Variants in LAYN observed in about 807,000 individuals in gnomAD.
LAYN encodes layilin.
A neutral mutation model predicts 43.6 loss-of-function variants in LAYN; 38 were observed. The observed-to-expected ratio is 0.87, with a 90% CI of 0.67 to 1.14. The LOEUF is 1.14. Among genes scored for constraint, LAYN ranks in the 50% most tolerant of loss-of-function variants. The pLI, the probability that LAYN is intolerant of heterozygous loss-of-function variation, is 0.00. For synonymous variants in LAYN, 168 were observed against 172.9 expected (o/e 0.97, Z 0.22); for missense variants, 479 against 463.8 (o/e 1.03, Z -0.30).
chr11:111,560,577 A>G lies in LAYN; in HGVS notation c.*119A>G, dbSNP rs1867938559. The G allele has an allele frequency of 8.6e-7, 1 of 1,166,186 alleles. No homozygotes were observed. The highest frequency in any genetic ancestry group is 1.6e-5 in the South Asian group (1 of 60,668). The allele number at this position is 1,166,186 out of a possible 1,614,324, so 72.2% of individuals were successfully genotyped here. ...AACAAGCTTAGATCAGGTCCTGTGG[A>G]TGAGCATGTGGTCCCCACGACCTCC... On this transcript the variant is annotated 3_prime_UTR_variant, in exon 7 of 7. Coordinates refer to ENST00000375614, the MANE Select transcript of LAYN (RefSeq NM_178834.5).
chr11:111,556,401 A>G (rs1343546555), intron 5 of LAYN, among the ~76,000 whole-genome samples: 1 of 152,186 alleles, frequency 6.6e-6, no homozygotes, highest in Non-Finnish European at 1.5e-5. Flanking sequence ...TCAGGCTGCT[A>G]TCACTAGGCT....
At chr11:111,543,725 A>G (rs1591563615) in intron 1 of LAYN, among the ~76,000 whole-genome samples, 198 bp from the exon 2 acceptor site, 1 of 152,378 alleles carries the variant, frequency 6.6e-6, no homozygotes, top group Non-Finnish European at 1.5e-5. Flanking sequence ...CAATATAGGC[A>G]TCAGAGTTTA....
chr11:111,542,420 T>C (rs1002537046), intron 1 of LAYN, among the ~76,000 whole-genome samples: 2 of 152,228 alleles, frequency 1.3e-5, no homozygotes, highest in African/African-American at 4.8e-5. Context: ...ATGAAAGTGA[T>C]GAGAGAAGAA....
At chr11:111,556,843 C>T (rs1481010977) in intron 5 of LAYN, among the ~76,000 whole-genome samples, 1 of 152,106 alleles carries the variant, frequency 6.6e-6, no homozygotes, top group Non-Finnish European at 1.5e-5. Context: ...CCCAAAGCCA[C>T]TTGAGGGGAA....
At chr11:111,548,420 G>A (rs1198092472) in intron 2 of LAYN, among the ~76,000 whole-genome samples, 1 of 152,142 alleles carries the variant, frequency 6.6e-6, no homozygotes, top group Admixed American at 6.5e-5. Context: ...ACAAAATAAT[G>A]TAAAGCCATA....
chr11:111,555,066 C>G (rs906644787), intron 4 of LAYN, 141 bp from the exon 5 acceptor site: 3 of 627,226 alleles, frequency 4.8e-6, no homozygotes, highest in Non-Finnish European at 2.9e-6. Context: ...CAAATTCAAC[C>G]CTTTACTTTT....
chr11:111,561,567 A>G lies in LAYN; in HGVS notation c.*1109A>G, dbSNP rs944167282. 6.6e-6 allele frequency: 1 copy of G among 152,210 alleles called. No individual in the cohort carries two copies. The highest frequency in any genetic ancestry group is 6.5e-5 in the Admixed American group (1 of 15,280). The allele number at this position is 152,210 out of a possible 1,614,324, so 9.4% of individuals were successfully genotyped here. A position where few individuals can be genotyped will look rare whatever the true frequency, so the allele number is the denominator to read the frequency against. The stretch of plus-strand genomic sequence containing the variant: ...TTGTGTTTGGCCTCAAATTCAGAGA[A>G]AAGTTTCTCAGCCCAGCATCAATCA... On this transcript the variant is annotated 3_prime_UTR_variant, in exon 7 of 7. Transcript: ENST00000375614.
intron 2 of LAYN, among the ~76,000 whole-genome samples, chr11:111,546,300 T>G (rs1005581035): frequency 6.6e-6 from 1 of 152,228 alleles, no homozygotes; most frequent in Admixed American, 6.5e-5. Context: ...CCATTTAGAC[T>G]CTTGATCAGC....
intron 2 of LAYN, among the ~76,000 whole-genome samples, chr11:111,547,854 G>T (rs1867674570): frequency 6.6e-6 from 1 of 152,192 alleles, no homozygotes; most frequent in Non-Finnish European, 1.5e-5. Context: ...TGGCAGGGGT[G>T]GGGAGGAGTG....
chr11:111,559,643 G>A (rs1867915900), intron 6 of LAYN, among the ~76,000 whole-genome samples: 2 of 151,768 alleles, frequency 1.3e-5, no homozygotes, highest in Non-Finnish European at 2.9e-5. Context: ...ATCTTTTATA[G>A]GGACGGGGTT....
In LAYN at chr11:111,549,660, C is replaced by T. The variant is rs200702549; in HGVS notation, c.426C>T (p.Cys142=). The T allele has an allele frequency of 6.3e-6, 10 of 1,594,304 alleles. No individual in the cohort carries two copies. Among genetic ancestry groups the T allele is most frequent in the African/African-American group, 5.4e-5 (4 of 73,748 alleles). The change falls in exon 3 of 7, where the codon TGC becomes TGT. Residue 142 remains cysteine (C), a synonymous_variant. Coordinates refer to ENST00000375614, the MANE Select transcript of LAYN (RefSeq NM_178834.5). ...AGCCATCCTGCGGCAGCGAGGTCTG[C>T]GTGGTCATGTACCATCAGCCATCGG... ...VDEPSCGSEV[C]VVMYHQPSAP...
At chr11:111,548,444 G>A (rs1296345911) in intron 2 of LAYN, among the ~76,000 whole-genome samples, 1 of 152,200 alleles carries the variant, frequency 6.6e-6, no homozygotes, top group Non-Finnish European at 1.5e-5. Context: ...CCAGTGGGGA[G>A]GGGAACAAGG....
At chr11:111,547,191 T>G (rs1867663620) in intron 2 of LAYN, among the ~76,000 whole-genome samples, 2 of 152,352 alleles carry the variant, frequency 1.3e-5, no homozygotes, top group South Asian at 4.1e-4. Context: ...TGCAATAGTT[T>G]GTTCTTCAAT....
At chr11:111,546,033 C>G (rs1867643087) in intron 2 of LAYN, among the ~76,000 whole-genome samples, 1 of 152,168 alleles carries the variant, frequency 6.6e-6, no homozygotes, top group Non-Finnish European at 1.5e-5. Context: ...TCTGTTGAGG[C>G]CATCCATAGC....
chr11:111,553,370 T>C (rs1375106538), intron 3 of LAYN, among the ~76,000 whole-genome samples: 1 of 152,040 alleles, frequency 6.6e-6, no homozygotes, highest in Non-Finnish European at 1.5e-5. Context: ...TCCCAGCATT[T>C]TGGGAAGCTG....
chr11:111,544,171 G>T lies in LAYN; in HGVS notation c.334G>T (p.Ala112Ser), dbSNP rs747921851. 3.7e-5 allele frequency: 60 copies of T among 1,614,066 alleles called. No individual in the cohort carries two copies. Among genetic ancestry groups the T allele is most frequent in the Admixed American group, 5.0e-5 (3 of 59,992 alleles). ...TGAGGAGAAACAAAGCAATAGCACAGCCTGCCAGGACCTTTATGCTTGGAC... is the reference window on the plus strand; with the variant it reads ...TGAGGAGAAACAAAGCAATAGCACATCCTGCCAGGACCTTTATGCTTGGAC... ...RREEKQSNSTACQDLYAWTDG... is the reference protein window; with the variant it reads ...RREEKQSNSTSCQDLYAWTDG... Residue 112 changes from alanine (A) to serine (S), a missense_variant, in exon 2 of 7, where the codon GCC becomes TCC. Ala to Ser is a moderately conservative substitution (Grantham distance 99). Coordinates refer to ENST00000375614, the MANE Select transcript of LAYN (RefSeq NM_178834.5).
chr11:111,557,392 CTTTGT>C, intron 5 of LAYN, 144 bp from the exon 6 acceptor site: 2 of 670,160 alleles, frequency 3.0e-6, no homozygotes, highest in Non-Finnish European at 5.2e-6. Flanking sequence ...TAGCCTTTTC[CTTTGT>C]TTTGTTTTTT....
At position 111,557,602 on chromosome 11, in the gene LAYN, G is replaced by T. The variant is rs1315801637; in HGVS notation, c.720G>T (p.Val240=). ...GCATTCCCCTTCTCCTCCTCCTTGTGGTCACCACAGTTGTATGTTGGGTTT... is the reference window on the plus strand; with the variant it reads ...GCATTCCCCTTCTCCTCCTCCTTGTTGTCACCACAGTTGTATGTTGGGTTT... The part of the protein sequence containing the change: ...IPSIPLLLLL[V]VTTVVCWVWI... Residue 240 remains valine, a synonymous_variant, in exon 6 of 7, where the codon GTG becomes GTT. Coordinates refer to ENST00000375614, the MANE Select transcript of LAYN (RefSeq NM_178834.5). 5 of 1,613,970 alleles carry T rather than the reference G, an allele frequency of 3.1e-6. No individual in the cohort carries two copies. Among genetic ancestry groups the T allele is most frequent in the Non-Finnish European group, 4.2e-6 (5 of 1,180,000 alleles).
intron 1 of LAYN, among the ~76,000 whole-genome samples, chr11:111,543,372 A>G (rs1346069667): frequency 6.6e-6 from 1 of 152,214 alleles, no homozygotes; most frequent in African/African-American, 2.4e-5. Flanking sequence ...TCTTTAGGTC[A>G]GAGGGCTGAC....
Sources: allele counts gnomAD v4.1 joint callset (sites outside exome capture counted in the v4.1 genomes callset), GRCh38; gene constraint gnomAD v4.1.1; transcripts MANE v1.5; gene names NCBI Gene and HGNC (gene_info 2026-07-23, HGNC 2026-07-21).